The following RPS29 variants were observed in gnomAD, a reference collection of about 807,000 sequenced individuals.
RPS29 encodes small ribosomal subunit protein uS14.
For synonymous variants in RPS29, 37 were observed against 26.9 expected (o/e 1.37, Z -1.16); for missense variants, 60 against 75.7 (o/e 0.79, Z 0.77).
chr14:49,591,287 CTGTTTGTTTGTTTGTT>C (rs61069057), upstream of RPS29, among the ~76,000 whole-genome samples: 10 of 150,516 alleles, frequency 6.6e-5, no homozygotes, highest in African/African-American at 1.5e-4. Flanking sequence ...TAGAGGTTTT[CTGTTTGTTTGTTTGTT>C]TGTTTGTTTG....
chr14:49,587,161 C>T (rs1317665410), upstream of RPS29, among the ~76,000 whole-genome samples: 1 of 151,902 alleles, frequency 6.6e-6, no homozygotes, highest in African/African-American at 2.4e-5. Context: ...TACACCTACA[C>T]CATTCCAAAA....
At chr14:49,581,404 G>C (rs536107988), downstream of RPS29, among the ~76,000 whole-genome samples, 1 of 152,188 alleles carries the variant, frequency 6.6e-6, no homozygotes, top group East Asian at 1.9e-4. Flanking sequence ...AAGTCTCAAA[G>C]TCAACATGTC....
intron 2 of RPS29, chr14:49,585,739 C>CT (rs988477949): frequency 4.6e-5 from 26 of 560,120 alleles, no homozygotes; most frequent in Middle Eastern, 9.5e-4. Flanking sequence ...GTAGGAAAGA[C>CT]TAAGTCCTTC....
chr14:49,596,559 A>G (rs926057058), intron 1 of RPS29, among the ~76,000 whole-genome samples: 2 of 152,202 alleles, frequency 1.3e-5, no homozygotes, highest in African/African-American at 4.8e-5. Context: ...GGGAAATGAG[A>G]TACCAAAAAC....
At chr14:49,573,059 C>A (rs1881091675) in exon 3 of RPS29, 2 of 140,592 alleles carry the variant, frequency 1.4e-5, no homozygotes, top group African/African-American at 2.8e-5. Flanking sequence ...CACAGTGAGA[C>A]CCTGTCTCCA....
exon 3 of RPS29, chr14:49,572,524 A>AT (rs1491587540): frequency 6.6e-6 from 1 of 152,140 alleles, no homozygotes; most frequent in Non-Finnish European, 1.5e-5. Flanking sequence ...AGAATAAATA[A>AT]TTTTTTCCGA....
intron 1 of RPS29, among the ~76,000 whole-genome samples, chr14:49,593,994 A>G (rs1168047425): frequency 6.6e-6 from 1 of 152,214 alleles, no homozygotes; most frequent in Non-Finnish European, 1.5e-5. Flanking sequence ...TTGACTGTCT[A>G]TGAGGTCATG....
chr14:49,587,267 T>C (rs1881609509), upstream of RPS29, among the ~76,000 whole-genome samples: 1 of 152,232 alleles, frequency 6.6e-6, no homozygotes, highest in South Asian at 2.1e-4. Context: ...GTATGTTGCT[T>C]TGACCAGATA....
chr14:49,595,683 C>A (rs1881805661), intron 1 of RPS29, among the ~76,000 whole-genome samples: 1 of 151,908 alleles, frequency 6.6e-6, no homozygotes, highest in Non-Finnish European at 1.5e-5. Flanking sequence ...ACAAAGTGAG[C>A]AAAGTTCACT....
chr14:49,574,735 G>A (rs1348621894), exon 3 of RPS29: 1 of 152,206 alleles, frequency 6.6e-6, no homozygotes, highest in Non-Finnish European at 1.5e-5. Context: ...TAAACCTTTA[G>A]TGGCAGCCTG....
rs1308157406 is a variant in RPS29 at position 49,583,658 on chromosome 14, G to T, written c.*9C>A. 1.3e-6 allele frequency: 2 copies of T among 1,569,144 alleles called. No homozygotes were observed. The highest frequency in any genetic ancestry group is 1.4e-5 in the African/African-American group (1 of 72,776). ...AGATGCCCCGGATAATCCTCTGAAG[G>T]AAGAGCATTTAGTCCAACTGAAAAA... is the stretch of plus-strand genomic sequence containing the variant. On this transcript the variant is annotated 3_prime_UTR_variant, in exon 3 of 3. Transcript: ENST00000245458.
intron 1 of RPS29, chr14:49,598,136 A>G (rs1881877709): frequency 1.1e-5 from 5 of 435,210 alleles, no homozygotes; most frequent in Non-Finnish European, 2.0e-5. Flanking sequence ...AGTATAACTC[A>G]GACACAATAA....
downstream of RPS29, among the ~76,000 whole-genome samples, chr14:49,580,761 T>C (rs974777830): frequency 1.3e-5 from 2 of 152,076 alleles, no homozygotes; most frequent in Admixed American, 1.3e-4. Context: ...CAGGCACACC[T>C]GTAATCCCAG....
rs1881878619 is a variant in RPS29 at position 49,598,169 on chromosome 14, T to C, written c.-133+231A>G. 3 of 508,040 alleles carry C rather than the reference T, an allele frequency of 5.9e-6. No homozygotes were observed. In the South Asian group the frequency reaches 9.4e-5, roughly 16 times the overall value. The allele number at this position is 508,040 out of a possible 1,614,324, so 31.5% of individuals were successfully genotyped here. On this transcript the variant is annotated intron_variant, in intron 1 of 3. Coordinates refer to the RPS29 transcript ENST00000556230. ...TAAAATGTTTAATATACGGCTAGGA[T>C]TAGGTTAAGGTGAGAGAGGCGCCTA...
chr14:49,598,442 A>C lies in RPS29; in HGVS notation c.-175T>G, dbSNP rs752678999. The C allele has an allele frequency of 2.8e-5, 20 of 701,956 alleles. No homozygotes were observed. The South Asian group carries it at 3.0e-4, about 10-fold the overall frequency. 43.5% of individuals were successfully genotyped at this position (701,956 alleles called of 1,614,324 possible). On this transcript the variant is annotated 5_prime_UTR_variant, in exon 1 of 4. Coordinates refer to the RPS29 transcript ENST00000556230. ...TTGTTCAGCAGGAATTGCCAAGTCAAATACAGCCATATAAAGCCCCCCTTC... is the reference window on the plus strand; with the variant it reads ...TTGTTCAGCAGGAATTGCCAAGTCACATACAGCCATATAAAGCCCCCCTTC...
chr14:49,595,301 G>A (rs1251228550), intron 1 of RPS29, among the ~76,000 whole-genome samples: 1 of 152,060 alleles, frequency 6.6e-6, no homozygotes, highest in Non-Finnish European at 1.5e-5. Flanking sequence ...AGAATCTGAT[G>A]TGGGTGGGGC....
At chr14:49,578,129 A>G (rs918666282) in intron 2 of RPS29, among the ~76,000 whole-genome samples, 1 of 151,648 alleles carries the variant, frequency 6.6e-6, no homozygotes, top group Non-Finnish European at 1.5e-5. Flanking sequence ...TTTTTTTCAG[A>G]GATTAGACTT....
chr14:49,583,327 G>T (rs73263728), downstream of RPS29, among the ~76,000 whole-genome samples: 491 of 152,222 alleles, frequency 3.2e-3, 4 homozygotes, highest in African/African-American at 0.011. Flanking sequence ...AAGGCGAGCA[G>T]ATCACGAAGT....
upstream of RPS29, among the ~76,000 whole-genome samples, chr14:49,587,492 T>C (rs1331865185): frequency 1.3e-5 from 2 of 152,222 alleles, no homozygotes; most frequent in African/African-American, 4.8e-5. Flanking sequence ...CTTTTATAAA[T>C]TGAAATACAA....
Sources: allele counts gnomAD v4.1 joint callset (sites outside exome capture counted in the v4.1 genomes callset), GRCh38; gene constraint gnomAD v4.1.1; transcripts MANE v1.5; gene names NCBI Gene and HGNC (gene_info 2026-07-23, HGNC 2026-07-21).